The following FOCAD variants were observed in gnomAD, a reference collection of about 807,000 sequenced individuals.
FOCAD encodes KIAA1797.
A neutral mutation model predicts 225.6 loss-of-function variants in FOCAD; 198 were observed. That is an observed-to-expected ratio of 0.88 (90% confidence interval 0.78 to 0.99). The LOEUF is 0.99. FOCAD is among the 50% of genes least tolerant of loss of function. The probability of loss-of-function intolerance (pLI) is 0.00; values close to 1 mark genes in which losing one functional copy is unlikely to be tolerated. For missense variants in FOCAD, 2,713 were observed against 2,123.6 expected (o/e 1.28, Z -5.46); for synonymous variants, 897 against 755.0 (o/e 1.19, Z -3.08).
intron 15 of FOCAD, among the ~76,000 whole-genome samples, chr9:20,836,884 T>C (rs1256852333): frequency 6.6e-6 from 1 of 152,072 alleles, no homozygotes; most frequent in Non-Finnish European, 1.5e-5. Flanking sequence ...TGCTCTTTAA[T>C]TGATTGTTTT....
Position 20,994,510 on chromosome 9 carries a change from G to A in FOCAD, c.5333-1046G>A, listed in dbSNP as rs1310083572. 3.3e-5 allele frequency among the ~76,000 whole-genome samples: 5 copies of A among 152,100 alleles called. No individual in the cohort carries two copies. The East Asian group carries it at 9.6e-4, about 29-fold the overall frequency. ...TGATCCATATTTTACCTATTACTAT[G>A]GTACAGTTTATTGGTTGCCAAACAA... is the stretch of plus-strand genomic sequence containing the variant. On this transcript the variant is annotated intron_variant, in intron 43 of 43. Transcript: ENST00000338382.
intron 7 of FOCAD, 124 bp from the exon 8 acceptor site, chr9:20,769,908 T>G (rs1050967507): frequency 2.5e-6 from 2 of 802,678 alleles, no homozygotes; most frequent in African/African-American, 3.5e-5. Context: ...TAACTTTTTT[T>G]CATCTCCTTT....
intron 24 of FOCAD, among the ~76,000 whole-genome samples, chr9:20,919,555 C>A (rs1834193092): frequency 6.6e-6 from 1 of 152,194 alleles, no homozygotes; most frequent in Non-Finnish European, 1.5e-5. Context: ...TACCTGACTT[C>A]AAACTATACT....
chr9:20,826,430 C>T (rs890738531), intron 15 of FOCAD, among the ~76,000 whole-genome samples: 4 of 152,082 alleles, frequency 2.6e-5, no homozygotes, highest in African/African-American at 9.7e-5. Context: ...CAGGGGCCCT[C>T]AGTCTTTTGG....
intron 28 of FOCAD, among the ~76,000 whole-genome samples, chr9:20,938,812 C>T (rs1454436182): frequency 6.6e-6 from 1 of 151,692 alleles, no homozygotes; most frequent in Non-Finnish European, 1.5e-5. Flanking sequence ...TGTACATGAA[C>T]TTTAGTCTAC....
At chr9:20,883,126 A>G (rs1235931842) in intron 20 of FOCAD, among the ~76,000 whole-genome samples, 3 of 152,190 alleles carry the variant, frequency 2.0e-5, no homozygotes, top group Non-Finnish European at 4.4e-5. Context: ...TCTTTCATAT[A>G]CTGCACTAGA....
At chr9:20,870,927 G>T (rs1387580688) in intron 18 of FOCAD, among the ~76,000 whole-genome samples, 1 of 152,168 alleles carries the variant, frequency 6.6e-6, no homozygotes, top group African/African-American at 2.4e-5. Context: ...TATCAGCTGA[G>T]TGTGGTGGCT....
intron 1 of FOCAD, among the ~76,000 whole-genome samples, chr9:20,712,156 A>G (rs1824901242): frequency 6.6e-6 from 1 of 151,868 alleles, no homozygotes; most frequent in Non-Finnish European, 1.5e-5. Context: ...TCGACTTTCT[A>G]CGAGACATTT....
At chr9:20,964,484 TACA>T (rs2132487364) in intron 35 of FOCAD, among the ~76,000 whole-genome samples, 1 of 152,254 alleles carries the variant, frequency 6.6e-6, no homozygotes, top group South Asian at 2.1e-4. Context: ...GGAACAGAAC[TACA>T]ACACCAATTA....
intron 4 of FOCAD, among the ~76,000 whole-genome samples, chr9:20,721,074 T>C (rs1001262682): frequency 6.6e-6 from 1 of 152,192 alleles, no homozygotes; most frequent in African/African-American, 2.4e-5. Flanking sequence ...ACTGAGGTAA[T>C]AGGACAATAA....
chr9:20,936,488 C>A (rs1835980344), intron 28 of FOCAD, among the ~76,000 whole-genome samples: 1 of 152,174 alleles, frequency 6.6e-6, no homozygotes, highest in South Asian at 2.1e-4. Flanking sequence ...TAGTGCCACT[C>A]ACCTGGTTTC....
At chr9:20,832,106 A>G (rs1564046775) in intron 15 of FOCAD, among the ~76,000 whole-genome samples, 3 of 151,740 alleles carry the variant, frequency 2.0e-5, no homozygotes, top group East Asian at 3.9e-4. Flanking sequence ...GCTTTTTTCC[A>G]TTTTTTTGGC....
In FOCAD at chr9:20,968,004, A is replaced by G. The variant is rs1027866512; in HGVS notation, c.4133-8416A>G. Among the ~76,000 whole-genome samples, 7 of 152,088 alleles carry G rather than the reference A, an allele frequency of 4.6e-5. No homozygotes were observed. The South Asian group carries it at 6.2e-4, about 13-fold the overall frequency. On this transcript the variant is annotated intron_variant, in intron 35 of 43. Transcript: ENST00000338382. ...AAGTTAGGAAATACTCCCTTCTCCT[A>G]TTTTTTGAAAGAAATTGAGAAAGAT...
intron 2 of FOCAD, among the ~76,000 whole-genome samples, chr9:20,661,390 A>T (rs1050444376): frequency 3.0e-4 from 45 of 152,174 alleles, no homozygotes; most frequent in African/African-American, 1.0e-3. Context: ...AGATTGTCTC[A>T]AGACTGGGTT....
rs530447670 is a variant in FOCAD, at chr9:20,769,452, T to C, written c.700-580T>C. On this transcript the variant is annotated intron_variant, in intron 7 of 43. Transcript: ENST00000338382. ...TCAGAACAGCTGGGTTTGAATTGCA[T>C]TGGGATTTTCAAGAGCACCCAGGTC... Among the ~76,000 whole-genome samples the C allele has an allele frequency of 3.9e-5, 6 of 152,324 alleles. 1 individual carries two copies. In the South Asian group the frequency reaches 6.2e-4, roughly 16 times the overall value.
chr9:20,912,525 A>G (rs565607747), intron 22 of FOCAD, among the ~76,000 whole-genome samples: 2 of 152,264 alleles, frequency 1.3e-5, no homozygotes, highest in East Asian at 3.9e-4. Context: ...GGTGTTAGCT[A>G]AAATTATCAG....
intron 41 of FOCAD, among the ~76,000 whole-genome samples, chr9:20,988,732 T>C (rs1587798398): frequency 6.6e-6 from 1 of 152,058 alleles, no homozygotes; most frequent in Non-Finnish European, 1.5e-5. Context: ...ATATGTTTCT[T>C]GACAGACAGA....
chr9:20,728,305 A>G (rs555301178), intron 4 of FOCAD, among the ~76,000 whole-genome samples: 2 of 152,338 alleles, frequency 1.3e-5, no homozygotes, highest in East Asian at 1.9e-4. Context: ...TATCTTGGAT[A>G]GACCCAAGTC....
upstream of FOCAD, among the ~76,000 whole-genome samples, chr9:20,658,107 G>A (rs1821567950): frequency 1.3e-5 from 2 of 150,566 alleles, no homozygotes; most frequent in Admixed American, 1.3e-4. Context: ...AGGGGTCAGG[G>A]ACCCACTTGA....
Sources: gnomAD v4.1 joint callset for allele counts (sites outside exome capture counted in the v4.1 genomes callset) on GRCh38, gnomAD v4.1.1 for gene constraint, MANE v1.5 for transcripts, NCBI Gene and HGNC (gene_info 2026-07-23, HGNC 2026-07-21) for gene names.